Variants in MORF4L1 observed in about 807,000 individuals in gnomAD.
The protein encoded by MORF4L1 is mortality factor 4-like protein 1.
A neutral mutation model predicts 52.9 loss-of-function variants in MORF4L1; 4 were observed. That is an observed-to-expected ratio of 0.08 (90% CI 0.04 to 0.17). The LOEUF is 0.17. Ranked by LOEUF, MORF4L1 falls within the 10% of genes least tolerant of loss-of-function variation. The pLI, the probability that MORF4L1 is intolerant of heterozygous loss-of-function variation, is 1.00. For synonymous variants in MORF4L1, 123 were observed against 134.8 expected (o/e 0.91, Z 0.61); for missense variants, 214 against 390.4 (o/e 0.55, Z 3.81).
intron 3 of MORF4L1, among the ~76,000 whole-genome samples, chr15:78,882,728 C>A (rs1189217754): frequency 6.6e-6 from 1 of 151,700 alleles, no homozygotes; most frequent in African/African-American, 2.4e-5. Flanking sequence ...CAAAAAAAAA[C>A]ACAAAGCAAA....
intron 10 of MORF4L1, 112 bp downstream of exon 10, chr15:78,894,342 C>A: frequency 3.7e-6 from 3 of 802,322 alleles, no homozygotes; most frequent in South Asian, 2.8e-5. Flanking sequence ...TTAATTTGAA[C>A]TTTTATCTAG....
intron 1 of MORF4L1, 172 bp from the exon 2 acceptor site, chr15:78,878,035 CGTGTTT>C (rs1349362451): frequency 6.3e-6 from 3 of 479,026 alleles, no homozygotes; most frequent in Non-Finnish European, 1.1e-5. Context: ...CGGATACCAA[CGTGTTT>C]TTGTCGTAGG....
rs1026401586 is a variant in MORF4L1 at position 78,893,933 on chromosome 15, T to TA, written c.630-118dup. On this transcript the variant is annotated intron_variant, in intron 9 of 11. Transcript: ENST00000426013. The stretch of plus-strand genomic sequence containing the variant: ...TCAAACCCTGCTTTCATATGCCCTT[T>TA]AAAAAAATCTCAGCTATGGTTCATT... The TA allele has an allele frequency of 1.8e-4, 169 of 938,714 alleles. No homozygotes were observed. The African/African-American group carries it at 2.5e-3, about 14-fold the overall frequency. 58.1% of individuals were successfully genotyped at this position (938,714 alleles called of 1,614,324 possible). A position where few individuals can be genotyped will look rare whatever the true frequency, so the allele number is the denominator to read the frequency against.
At chr15:78,886,973 A>C (rs140273844) in intron 4 of MORF4L1, among the ~76,000 whole-genome samples, 1,534 of 150,270 alleles carry the variant, frequency 0.01, 24 homozygotes, top group African/African-American at 0.035. Context: ...AAAAAAAAAG[A>C]ATTAAAATGG....
At chr15:78,889,465 C>A (rs1363069804) in intron 5 of MORF4L1, among the ~76,000 whole-genome samples, 2 of 152,080 alleles carry the variant, frequency 1.3e-5, no homozygotes, top group Non-Finnish European at 2.9e-5. Context: ...ATTTTTGGAG[C>A]ATTTTGGCTT....
chr15:78,876,135 AC>A (rs1284354813), intron 1 of MORF4L1, among the ~76,000 whole-genome samples: 1 of 151,796 alleles, frequency 6.6e-6, no homozygotes, highest in African/African-American at 2.4e-5. Context: ...ACGGGGTTTC[AC>A]CATGTTGGCC....
chr15:78,888,554 T>TCC (rs2056745901), intron 5 of MORF4L1, among the ~76,000 whole-genome samples: 4 of 152,206 alleles, frequency 2.6e-5, no homozygotes, highest in Admixed American at 2.6e-4. Context: ...ATAACTTTTA[T>TCC]TAAGAGGTCA....
chr15:78,883,090 C>CT (rs1316007888), intron 3 of MORF4L1, among the ~76,000 whole-genome samples: 2 of 151,980 alleles, frequency 1.3e-5, no homozygotes, highest in East Asian at 3.9e-4. Context: ...TGGCACACGA[C>CT]TGTAGTCCCA....
intron 3 of MORF4L1, among the ~76,000 whole-genome samples, chr15:78,882,818 T>C (rs2056626691): frequency 5.0e-4 from 2 of 3,998 alleles, no homozygotes. Flanking sequence ...GTGCCTATAG[T>C]TTTAGCTTCT....
intron 6 of MORF4L1, 190 bp downstream of exon 6, chr15:78,891,204 C>A: frequency 2.7e-6 from 2 of 737,294 alleles, no homozygotes; most frequent in South Asian, 3.3e-5. Context: ...AACTTGTGAG[C>A]ATTTATTTTC....
At chr15:78,893,124 T>G (rs2056828340) in intron 8 of MORF4L1, 1 of 155,858 alleles carries the variant, frequency 6.4e-6, no homozygotes, top group Non-Finnish European at 1.4e-5. Context: ...ATTTTAATGC[T>G]TTAGACTAGA....
At chr15:78,884,846 C>A in intron 3 of MORF4L1, 1 of 550,156 alleles carries the variant, frequency 1.8e-6, no homozygotes, top group Non-Finnish European at 3.1e-6. Flanking sequence ...AATTTTCAAA[C>A]CTCATTGGAA....
In MORF4L1 at chr15:78,891,041, A is replaced by T. The variant is rs747715531; in HGVS notation, c.349+27A>T. ...TAAGAATATTAACTTTCTTAACGTTAATTTATGTTACCTCTATGACATTGA... is the reference window on the plus strand; with the variant it reads ...TAAGAATATTAACTTTCTTAACGTTTATTTATGTTACCTCTATGACATTGA... On this transcript the variant is annotated intron_variant, in intron 6 of 11. Coordinates refer to ENST00000426013, the MANE Select transcript of MORF4L1 (RefSeq NM_006791.4). 4 of 1,476,998 alleles carry T rather than the reference A, an allele frequency of 2.7e-6. No homozygotes were observed. The East Asian group carries it at 9.8e-5, about 36-fold the overall frequency. 91.5% of individuals were successfully genotyped at this position (1,476,998 alleles called of 1,614,324 possible).
chr15:78,889,655 C>T (rs1011331458), intron 5 of MORF4L1, among the ~76,000 whole-genome samples: 1 of 151,870 alleles, frequency 6.6e-6, no homozygotes, highest in African/African-American at 2.4e-5. Context: ...TGACTTTGAC[C>T]GAGAAATACA....
Position 78,886,241 on chromosome 15 carries a change from G to C in MORF4L1, c.242+14G>C, listed in dbSNP as rs775078717. 6.3e-7 allele frequency: 1 copy of C among 1,597,274 alleles called. No individual in the cohort carries two copies. Among genetic ancestry groups the C allele is most frequent in the Non-Finnish European group, 8.6e-7 (1 of 1,164,642 alleles). The stretch of plus-strand genomic sequence containing the variant: ...AAAAGCCAATCAGTAAGTTTGTTTT[G>C]TGAACTGAATATTAAGGAGAAATGC... On this transcript the variant is annotated intron_variant, in intron 4 of 11. Coordinates refer to ENST00000426013, the MANE Select transcript of MORF4L1 (RefSeq NM_006791.4).
At chr15:78,881,937 C>G (rs965853108) in intron 3 of MORF4L1, among the ~76,000 whole-genome samples, 2 of 152,136 alleles carry the variant, frequency 1.3e-5, no homozygotes, top group African/African-American at 4.8e-5. Flanking sequence ...TTCACTGGCC[C>G]TGTGACTTTG....
intron 3 of MORF4L1, among the ~76,000 whole-genome samples, chr15:78,881,188 C>CTTTTTTTTTTTTT (rs777713555): frequency 2.2e-4 from 3 of 13,760 alleles, no homozygotes; most frequent in African/African-American, 2.4e-4. Flanking sequence ...AAGAGTTAAG[C>CTTTTTTTTTTTTT]CTTTTTTTTT....
At position 78,894,848 on chromosome 15, in the gene MORF4L1, A is replaced by G. The variant is rs1304530901; in HGVS notation, c.831A>G (p.Thr277=). The G allele has an allele frequency of 1.1e-5, 17 of 1,613,582 alleles. No individual in the cohort carries two copies. Among genetic ancestry groups the G allele is most frequent in the African/African-American group, 4.0e-5 (3 of 74,888 alleles). ...FVRIGAMLAY[T]PLDEKSLALL... ...GAATTGGAGCAATGTTGGCTTATAC[A>G]CCTCTGGATGAGAAGAGCCTTGCTT... Residue 277 remains threonine, a synonymous_variant, in exon 11 of 12, where the codon ACA becomes ACG. Transcript: ENST00000426013.
intron 3 of MORF4L1, among the ~76,000 whole-genome samples, chr15:78,883,693 T>C (rs1324265626): frequency 5.3e-5 from 8 of 152,232 alleles, no homozygotes; most frequent in Admixed American, 2.0e-4. Flanking sequence ...GGAATATTAA[T>C]ATATCAGAAA....
Sources: allele counts gnomAD v4.1 joint callset (sites outside exome capture counted in the v4.1 genomes callset), GRCh38; gene constraint gnomAD v4.1.1; transcripts MANE v1.5; gene names NCBI Gene and HGNC (gene_info 2026-07-23, HGNC 2026-07-21).